The following THAP6 variants were observed in gnomAD, a reference collection of about 807,000 sequenced individuals.
The protein encoded by THAP6 is THAP domain-containing protein 6.
In THAP6, 13 loss-of-function variants were observed where a neutral mutation model predicts 20.0. That is an observed-to-expected ratio of 0.65 (90% CI 0.42 to 1.03). The LOEUF (loss-of-function observed/expected upper bound fraction) is 1.03. Among genes scored for constraint, THAP6 ranks in the 50% least tolerant of loss-of-function variants. THAP6 has a pLI of 0.00. For missense variants in THAP6, 262 were observed against 261.6 expected (o/e 1.00, Z -0.01); for synonymous variants, 93 against 92.2 (o/e 1.01, Z -0.05).
Position 75,529,748 on chromosome 4 carries a change from G to GGAACT in THAP6, c.*2534_*2535insGAACT, listed in dbSNP as rs1726605677. 1 of 985,284 alleles carries GGAACT rather than the reference G, an allele frequency of 1.0e-6. No homozygotes were observed. The highest frequency in any genetic ancestry group is 6.2e-5 in the Admixed American group (1 of 16,260). 61.0% of individuals were successfully genotyped at this position (985,284 alleles called of 1,614,324 possible). On this transcript the variant is annotated 3_prime_UTR_variant, in exon 5 of 5. Transcript: ENST00000311638. Reference sequence around the variant, plus strand: ...TTAAAAGCTAGGAGTGGCCTCTAGAGCCAGGAACACATTAATACAACAGTT... The same window carrying GGAACT: ...TTAAAAGCTAGGAGTGGCCTCTAGAGGAACTCCAGGAACACATTAATACAACAGTT...
intron 2 of THAP6, among the ~76,000 whole-genome samples, chr4:75,516,207 T>G (rs2148801211): frequency 1.3e-5 from 2 of 152,346 alleles, no homozygotes; most frequent in East Asian, 3.9e-4. Context: ...TGAACCAGCT[T>G]GAAAATTGAG....
At chr4:75,542,038 CT>C (rs1727020578) in intron 2 of THAP6, among the ~76,000 whole-genome samples, 1 of 152,148 alleles carries the variant, frequency 6.6e-6, no homozygotes, top group South Asian at 2.1e-4. Flanking sequence ...CATCATCCCC[CT>C]GGGACATTGG....
In THAP6 at chr4:75,529,403, A is replaced by G. The variant is rs968188352; in HGVS notation, c.*2189A>G. 3.0e-6 allele frequency: 3 copies of G among 985,402 alleles called. No homozygotes were observed. The highest frequency in any genetic ancestry group is 3.6e-6 in the Non-Finnish European group (3 of 829,928). 61.0% of individuals were successfully genotyped at this position (985,402 alleles called of 1,614,324 possible). A position where few individuals can be genotyped will look rare whatever the true frequency, so the allele number is the denominator to read the frequency against. On this transcript the variant is annotated 3_prime_UTR_variant, in exon 5 of 5. Transcript: ENST00000311638. ...TACTTGTGTTCATAGTAGACTCAGCACTTCTTTTTCACTGGACCTAGTATA... is the reference window on the plus strand; with the variant it reads ...TACTTGTGTTCATAGTAGACTCAGCGCTTCTTTTTCACTGGACCTAGTATA...
chr4:75,514,364 G>A (rs1158496955), upstream of THAP6: 3 of 1,489,978 alleles, frequency 2.0e-6, no homozygotes, highest in Non-Finnish European at 2.7e-6. Context: ...CGCCTCTCTA[G>A]CACACCCCTC....
At chr4:75,516,649 T>C (rs916991493) in intron 2 of THAP6, 123 bp from the exon 3 acceptor site, 8 of 777,054 alleles carry the variant, frequency 1.0e-5, no homozygotes, top group East Asian at 2.7e-5. Flanking sequence ...CTAAATATTA[T>C]AATTCTCAAG....
rs545083222 is a variant in THAP6 at position 75,519,112 on chromosome 4, G to A, written c.288+2133G>A. 2.0e-5 allele frequency among the ~76,000 whole-genome samples: 3 copies of A among 152,156 alleles called. No individual in the cohort carries two copies. In the South Asian group the frequency reaches 6.2e-4, roughly 32 times the overall value. On this transcript the variant is annotated intron_variant, in intron 3 of 4. Coordinates refer to ENST00000311638, the MANE Select transcript of THAP6 (RefSeq NM_144721.6). ...CTTTATCACTGTCAATTATATACAT[G>A]GAGTCCTGTCTACAGTATGTACTCT...
rs768172543 is a variant in THAP6 at position 75,521,876 on chromosome 4, T to G, written c.414+15T>G. The G allele has an allele frequency of 6.2e-7, 1 of 1,613,246 alleles. No homozygotes were observed. Among genetic ancestry groups the G allele is most frequent in the Non-Finnish European group, 8.5e-7 (1 of 1,179,456 alleles). On this transcript the variant is annotated intron_variant, in intron 4 of 4. Coordinates refer to ENST00000311638, the MANE Select transcript of THAP6 (RefSeq NM_144721.6). ...AGTTCATTTTTGTAAGTAAATTACT[T>G]GCTGAGCTCATGTTAATTCTTTTAA...
At position 75,525,312 on chromosome 4, in the gene THAP6, A is replaced by T. The variant is rs373701245; in HGVS notation, c.415-1648A>T. 4.2e-3 allele frequency among the ~76,000 whole-genome samples: 645 copies of T among 151,786 alleles called. 3 individuals carry two copies. The highest frequency in any genetic ancestry group is 0.015 in the African/African-American group (621 of 41,392). On this transcript the variant is annotated intron_variant, in intron 4 of 4. Coordinates refer to ENST00000311638, the MANE Select transcript of THAP6 (RefSeq NM_144721.6). ...TTGTGCAACATGTTACTGATGCTTT[A>T]TTTTTTTTCTATCTCCTTTTCTCTC... is the stretch of plus-strand genomic sequence containing the variant.
At chr4:75,515,762 A>T (rs1725552723) in intron 2 of THAP6, among the ~76,000 whole-genome samples, 3 of 152,256 alleles carry the variant, frequency 2.0e-5, no homozygotes, top group Admixed American at 1.3e-4. Context: ...AAAAAATACC[A>T]TAAGGCTAAC....
intron 3 of THAP6, 51 bp from the exon 4 acceptor site, chr4:75,521,685 G>A: frequency 2.0e-6 from 3 of 1,503,490 alleles, no homozygotes; most frequent in Non-Finnish European, 2.7e-6. Flanking sequence ...AAAAATTTAA[G>A]AAAGAACAAA....
At chr4:75,545,017 C>T (rs1727094828) in intron 3 of THAP6, among the ~76,000 whole-genome samples, 1 of 152,200 alleles carries the variant, frequency 6.6e-6, no homozygotes, top group African/African-American at 2.4e-5. Flanking sequence ...AGGACAACCT[C>T]TCTGTGCCTC....
chr4:75,517,198 A>G, intron 3 of THAP6: 1 of 438,632 alleles, frequency 2.3e-6, no homozygotes, highest in Non-Finnish European at 4.1e-6. Context: ...TTGTATTTTT[A>G]GGAGAGATGG....
At chr4:75,539,906 AAG>A (rs750660896) in intron 2 of THAP6, 7 of 1,536,140 alleles carry the variant, frequency 4.6e-6, no homozygotes, top group South Asian at 3.6e-5. Flanking sequence ...AAAAACCAAG[AAG>A]AGAGAAATGC....
chr4:75,539,946 G>A (rs572615403), intron 2 of THAP6: 1 of 1,535,960 alleles, frequency 6.5e-7, no homozygotes, highest in Non-Finnish European at 8.7e-7. Flanking sequence ...AAGTGGACAG[G>A]CAACAGTGGT....
chr4:75,517,319 G>A, intron 3 of THAP6: 1 of 186,702 alleles, frequency 5.4e-6, no homozygotes, highest in Non-Finnish European at 1.1e-5. Context: ...CCTGGCCATT[G>A]CTCACTTTTT....
intron 2 of THAP6, chr4:75,542,342 G>A: frequency 7.4e-6 from 5 of 676,442 alleles, no homozygotes; most frequent in Non-Finnish European, 1.1e-5. Context: ...GGGAAGTATT[G>A]CATGCTCTAA....
chr4:75,544,160 C>G (rs1348391706), intron 3 of THAP6, among the ~76,000 whole-genome samples: 1 of 152,190 alleles, frequency 6.6e-6, no homozygotes, highest in African/African-American at 2.4e-5. Flanking sequence ...CATCACCCAG[C>G]TTCAACAGTT....
At chr4:75,541,123 A>G (rs1726991173) in intron 2 of THAP6, among the ~76,000 whole-genome samples, 1 of 152,182 alleles carries the variant, frequency 6.6e-6, no homozygotes, top group Non-Finnish European at 1.5e-5. Context: ...ACTAAAAACC[A>G]TTTTAGTAAG....
At chr4:75,530,112 T>A (rs556250923), downstream of THAP6, 18 of 981,172 alleles carry the variant, frequency 1.8e-5, no homozygotes, top group South Asian at 7.5e-4. Flanking sequence ...TTTGCTCTAA[T>A]TTCTCCTCCA....
Sources: allele counts gnomAD v4.1 joint callset (sites outside exome capture counted in the v4.1 genomes callset), GRCh38; gene constraint gnomAD v4.1.1; transcripts MANE v1.5; gene names NCBI Gene and HGNC (gene_info 2026-07-23, HGNC 2026-07-21).